COG5: variants seen among roughly 807,000 people sequenced by gnomAD.
COG5 encodes the protein component of oligomeric golgi complex 5, also known as conserved oligomeric Golgi complex subunit 5.
COG5 carries 86 observed loss-of-function variants against 110.4 expected under a neutral mutation model. That is an observed-to-expected ratio of 0.78 (90% confidence interval 0.65 to 0.93). The LOEUF is 0.93. COG5 is among the 40% of genes least tolerant of loss of function. The pLI is 0.00. For missense variants in COG5, 1,077 were observed against 987.0 expected (o/e 1.09, Z -1.22); for synonymous variants, 360 against 334.6 (o/e 1.08, Z -0.83).
chr7:107,523,581 G>C (rs548240571), intron 6 of COG5, among the ~76,000 whole-genome samples: 1 of 152,148 alleles, frequency 6.6e-6, no homozygotes, highest in African/African-American at 2.4e-5. Context: ...TTGGGAGGCC[G>C]AGAAGGGTGG....
At position 107,522,224 on chromosome 7, in the gene COG5, T is replaced by A. The variant is rs191343200; in HGVS notation, c.538+5013A>T. Among the ~76,000 whole-genome samples the A allele has an allele frequency of 6.4e-3, 969 of 152,286 alleles. 14 individuals carry two copies. Among genetic ancestry groups the A allele is most frequent in the African/African-American group, 0.021 (861 of 41,576 alleles). On this transcript the variant is annotated intron_variant, in intron 6 of 21. Coordinates refer to ENST00000297135, the MANE Select transcript of COG5 (RefSeq NM_006348.5). ...TGGCTCACGCCTGTAATCCCAGCACTTTGGGAGGCCGAGGCGGGCAGGTCA... is the reference window on the plus strand; with the variant it reads ...TGGCTCACGCCTGTAATCCCAGCACATTGGGAGGCCGAGGCGGGCAGGTCA...
chr7:107,381,101 G>A (rs1815079892), intron 7 of COG5, among the ~76,000 whole-genome samples: 1 of 151,616 alleles, frequency 6.6e-6, no homozygotes, highest in African/African-American at 2.4e-5. Context: ...AAATTCAAAA[G>A]GTTTATAAAA....
intron 19 of COG5, among the ~76,000 whole-genome samples, chr7:107,221,281 T>G (rs1446150837): frequency 1.3e-5 from 2 of 149,654 alleles, no homozygotes; most frequent in Admixed American, 6.7e-5. Context: ...ACCCCAGGGG[T>G]GGGGGTGGGG....
At position 107,351,596 on chromosome 7, in the gene COG5, C is replaced by T. The variant is rs917969560; in HGVS notation, c.1026+10437G>A. 2.0e-5 allele frequency among the ~76,000 whole-genome samples: 3 copies of T among 152,076 alleles called. No homozygotes were observed. The South Asian group carries it at 6.2e-4, about 32-fold the overall frequency. On this transcript the variant is annotated intron_variant, in intron 10 of 21. Coordinates refer to ENST00000297135, the MANE Select transcript of COG5 (RefSeq NM_006348.5). Reference sequence around the variant, plus strand: ...GCTAATATCTAGAATCTACAATAAACTCAAACAAATTTACAAGAAAAAAAA... The same window carrying T: ...GCTAATATCTAGAATCTACAATAAATTCAAACAAATTTACAAGAAAAAAAA...
At chr7:107,239,492 T>A (rs1167681309) in intron 17 of COG5, among the ~76,000 whole-genome samples, 1 of 152,180 alleles carries the variant, frequency 6.6e-6, no homozygotes. Context: ...CTGTGAAAAA[T>A]GACATTGGAA....
In COG5 at chr7:107,548,174, T is replaced by C; in HGVS notation, c.354A>G (p.Lys118=). The part of the protein sequence containing the change: ...GALQGAVDRI[K]AKIVEPYNKI... ...TATTGTATGGTTCAACAATTTTTGC[T>C]TTTATCCTACAGGAAAAGAGAGGAG... Residue 118 remains lysine, a synonymous_variant, in exon 5 of 22, where the codon AAA becomes AAG. Transcript: ENST00000297135. 6.2e-7 allele frequency: 1 copy of C among 1,613,772 alleles called. No individual in the cohort carries two copies. Among genetic ancestry groups the C allele is most frequent in the Non-Finnish European group, 8.5e-7 (1 of 1,179,718 alleles).
intron 7 of COG5, among the ~76,000 whole-genome samples, chr7:107,394,211 C>T (rs1310180339): frequency 6.6e-6 from 1 of 151,588 alleles, no homozygotes; most frequent in African/African-American, 2.4e-5. Context: ...GATCCGCCTG[C>T]CTCGGCCTCC....
chr7:107,391,744 T>C (rs1454473857), intron 7 of COG5, among the ~76,000 whole-genome samples: 2 of 152,196 alleles, frequency 1.3e-5, no homozygotes, highest in African/African-American at 4.8e-5. Context: ...AAGTGACATA[T>C]ACACACCAAA....
intron 21 of COG5, chr7:107,209,143 A>G (rs1157414680): frequency 3.0e-6 from 3 of 985,396 alleles, no homozygotes; most frequent in South Asian, 4.7e-5. Flanking sequence ...CACCTGACAC[A>G]GGCTAACAAA....
chr7:107,228,191 C>G (rs188586896), intron 19 of COG5, among the ~76,000 whole-genome samples: 16 of 151,446 alleles, frequency 1.1e-4, no homozygotes, highest in Admixed American at 8.6e-4. Flanking sequence ...GTCCCAGTTA[C>G]TCAGGAGGCT....
chr7:107,515,476 G>A (rs1042782441), intron 6 of COG5, among the ~76,000 whole-genome samples: 6 of 152,060 alleles, frequency 3.9e-5, no homozygotes, highest in Admixed American at 1.3e-4. Flanking sequence ...TCTAACATTC[G>A]AGAGACTAAA....
chr7:107,297,235 T>C (rs1460968934), intron 12 of COG5, among the ~76,000 whole-genome samples: 2 of 152,190 alleles, frequency 1.3e-5, no homozygotes, highest in African/African-American at 4.8e-5. Flanking sequence ...GAAACATTTA[T>C]TCACATTTTT....
At chr7:107,351,784 T>C (rs981247893) in intron 10 of COG5, among the ~76,000 whole-genome samples, 28 of 150,122 alleles carry the variant, frequency 1.9e-4, no homozygotes, top group East Asian at 3.9e-4. Flanking sequence ...CCAGCTAGAA[T>C]GGCGATCATT....
Position 107,370,008 on chromosome 7 carries a change from C to T in COG5, c.835+2587G>A, listed in dbSNP as rs1343526535. On this transcript the variant is annotated intron_variant, in intron 8 of 21. Transcript: ENST00000297135. ...GACCTGCCTATTCATATTCTTTATCCATTTTTTTCTCTTGGGTTGTTTACC... is the reference window on the plus strand; with the variant it reads ...GACCTGCCTATTCATATTCTTTATCTATTTTTTTCTCTTGGGTTGTTTACC... 2.0e-5 allele frequency among the ~76,000 whole-genome samples: 3 copies of T among 152,110 alleles called. No individual in the cohort carries two copies. In the East Asian group the frequency reaches 5.8e-4, roughly 29 times the overall value.
intron 19 of COG5, among the ~76,000 whole-genome samples, chr7:107,217,904 T>C (rs1799637854): frequency 6.6e-6 from 1 of 151,932 alleles, no homozygotes; most frequent in South Asian, 2.1e-4. Flanking sequence ...GGCACTCAAA[T>C]AGAAAAGAAA....
At chr7:107,253,813 G>A (rs1009862220) in intron 16 of COG5, among the ~76,000 whole-genome samples, 1 of 152,042 alleles carries the variant, frequency 6.6e-6, no homozygotes, top group Non-Finnish European at 1.5e-5. Context: ...GTCCAATTCA[G>A]GTCTCTATTC....
chr7:107,221,906 A>G (rs1799956077), intron 19 of COG5, among the ~76,000 whole-genome samples: 1 of 152,160 alleles, frequency 6.6e-6, no homozygotes, highest in Non-Finnish European at 1.5e-5. Context: ...TTTGAAACTT[A>G]TCTATAGCAA....
At chr7:107,434,562 C>T (rs1404002597) in intron 6 of COG5, among the ~76,000 whole-genome samples, 2 of 152,006 alleles carry the variant, frequency 1.3e-5, no homozygotes, top group African/African-American at 4.8e-5. Context: ...CAAACATCAC[C>T]TGCTCCCAAA....
chr7:107,510,311 A>G (rs1262185332), intron 6 of COG5, among the ~76,000 whole-genome samples: 1 of 152,208 alleles, frequency 6.6e-6, no homozygotes, highest in East Asian at 1.9e-4. Context: ...AGGCCATTAC[A>G]TAATGGTAAA....
Sources: allele counts gnomAD v4.1 joint callset (sites outside exome capture counted in the v4.1 genomes callset), GRCh38; gene constraint gnomAD v4.1.1; transcripts MANE v1.5; gene names NCBI Gene and HGNC (gene_info 2026-07-23, HGNC 2026-07-21).